Variants in IL16 observed in about 807,000 individuals in gnomAD.
IL16 encodes pro-interleukin-16.
IL16 carries 67 observed loss-of-function variants against 110.1 expected under a neutral mutation model. The observed-to-expected ratio is 0.61, with a 90% CI of 0.50 to 0.75. The LOEUF (loss-of-function observed/expected upper bound fraction) is 0.75, where lower values mean the gene tolerates loss of function less well. Among genes scored for constraint, IL16 ranks in the 30% least tolerant of loss-of-function variants. IL16 has a pLI of 0.00. For synonymous variants in IL16, 689 were observed against 662.9 expected (o/e 1.04, Z -0.61); for missense variants, 1,545 against 1,655.0 (o/e 0.93, Z 1.15).
chr15:81,257,415 G>T (rs1897985750), intron 2 of IL16, among the ~76,000 whole-genome samples: 1 of 152,200 alleles, frequency 6.6e-6, no homozygotes, highest in Non-Finnish European at 1.5e-5. Context: ...CAAATAGGGA[G>T]AAATGCATGT....
chr15:81,211,225 T>A (rs1467911185), intron 1 of IL16, among the ~76,000 whole-genome samples: 1 of 151,678 alleles, frequency 6.6e-6, no homozygotes, highest in East Asian at 1.9e-4. Context: ...CCTGGCTAGT[T>A]TTTGTATTTT....
Position 81,306,004 on chromosome 15 carries a change from A to G in IL16, c.3517A>G (p.Thr1173Ala). Residue 1173 changes from threonine to alanine, a missense_variant, in exon 17 of 19, where the codon ACC (threonine) becomes GCC (alanine). Thr to Ala is a moderately conservative substitution (Grantham distance 58, BLOSUM62 0). This residue lies in a region of IL16 where 356 missense variants were observed against 399.3 expected (regional missense o/e 0.89). Transcript: ENST00000683961. ...LSINGKSLKG[T>A]THHDALAILR... ...CATCAACGGCAAGTCTCTCAAGGGG[A>G]CCACGCACCATGATGCCTTGGCCAT... is the stretch of plus-strand genomic sequence containing the variant. 6.2e-7 allele frequency: 1 copy of G among 1,614,172 alleles called. No homozygotes were observed. The highest frequency in any genetic ancestry group is 2.2e-5 in the East Asian group (1 of 44,878).
intron 2 of IL16, among the ~76,000 whole-genome samples, chr15:81,245,680 C>T (rs1897515028): frequency 1.4e-5 from 2 of 147,738 alleles, no homozygotes; most frequent in Admixed American, 6.7e-5. Flanking sequence ...GCTGAACAGT[C>T]CCTTCATGGT....
chr15:81,304,472 T>C (rs995540538), intron 16 of IL16, among the ~76,000 whole-genome samples: 1 of 152,192 alleles, frequency 6.6e-6, no homozygotes, highest in African/African-American at 2.4e-5. Flanking sequence ...GGCGCACATG[T>C]TGGCTGAGCA....
intron 2 of IL16, among the ~76,000 whole-genome samples, chr15:81,253,181 G>C (rs1288913958): frequency 6.6e-6 from 1 of 152,028 alleles, no homozygotes; most frequent in Non-Finnish European, 1.5e-5. Flanking sequence ...GCATGCGAGT[G>C]GTATCTCATT....
intron 12 of IL16, among the ~76,000 whole-genome samples, chr15:81,293,988 A>G (rs553899323): frequency 2.6e-4 from 40 of 152,330 alleles, no homozygotes; most frequent in African/African-American, 5.8e-4. Context: ...TGAGTTTCCC[A>G]TCCTTACCCA....
At chr15:81,232,395 G>A (rs1020964387) in intron 2 of IL16, among the ~76,000 whole-genome samples, 2 of 152,050 alleles carry the variant, frequency 1.3e-5, no homozygotes, top group African/African-American at 4.8e-5. Context: ...GTGATAACAG[G>A]CATCCTTGTC....
At chr15:81,189,576 C>T (rs899011912) in intron 1 of IL16, among the ~76,000 whole-genome samples, 7 of 152,300 alleles carry the variant, frequency 4.6e-5, no homozygotes, top group South Asian at 2.1e-4. Flanking sequence ...TGATCCACTA[C>T]GACCAGTCAA....
At chr15:81,217,735 G>A (rs1896481701) in intron 1 of IL16, among the ~76,000 whole-genome samples, 1 of 152,130 alleles carries the variant, frequency 6.6e-6, no homozygotes, top group South Asian at 2.1e-4. Context: ...TTGTAAGAAA[G>A]GCATTAGTTT....
At chr15:81,300,973 C>T (rs913608497) in intron 14 of IL16, among the ~76,000 whole-genome samples, 11 of 152,198 alleles carry the variant, frequency 7.2e-5, no homozygotes, top group African/African-American at 2.7e-4. Flanking sequence ...GGCACTGATT[C>T]TGACTATGAG....
rs745484761 is a variant in IL16, at chr15:81,296,915, G to A, written c.1903-13G>A. The A allele has an allele frequency of 1.9e-6, 3 of 1,599,734 alleles. No homozygotes were observed. The South Asian group carries it at 3.3e-5, about 18-fold the overall frequency. ...CCGTTTTGACATGGTCTCGCTTCCTGTTTACACCACAGGAAGCGAGAGAGC... is the reference window on the plus strand; with the variant it reads ...CCGTTTTGACATGGTCTCGCTTCCTATTTACACCACAGGAAGCGAGAGAGC... On this transcript the variant is annotated splice_polypyrimidine_tract_variant and intron_variant, in intron 12 of 18. Transcript: ENST00000683961.
Position 81,276,853 on chromosome 15 carries a change from A to G in IL16, c.791-1964A>G, listed in dbSNP as rs144846790. On this transcript the variant is annotated intron_variant, in intron 6 of 18. Coordinates refer to ENST00000683961, the MANE Select transcript of IL16 (RefSeq NM_172217.5). ...AATGAGTTTATAAAGATTACATACT[A>G]TACTACATCAGGAAATGTCCACTGT... Among the ~76,000 whole-genome samples, 372 of 152,348 alleles carry G rather than the reference A, an allele frequency of 2.4e-3. 2 individuals carry two copies. The highest frequency in any genetic ancestry group is 8.1e-3 in the African/African-American group (335 of 41,570).
Position 81,292,857 on chromosome 15 carries a change from C to G in IL16, c.1722C>G (p.Asp574Glu), listed in dbSNP as rs2141578785. Residue 574 changes from aspartate to glutamate, a missense_variant, in exon 12 of 19, where the codon GAC becomes GAG. Coordinates refer to ENST00000683961, the MANE Select transcript of IL16 (RefSeq NM_172217.5). The part of the protein sequence containing the change: ...QESPPLPESR[D>E]SHPPLRLKKS... ...GCCCACCCCTCCCAGAGAGCCGGGA[C>G]AGCCACCCGCCGCTGAGACTGAAGA... The G allele has an allele frequency of 6.2e-7, 1 of 1,613,876 alleles. No individual in the cohort carries two copies. Among genetic ancestry groups the G allele is most frequent in the Non-Finnish European group, 8.5e-7 (1 of 1,179,882 alleles).
intron 2 of IL16, among the ~76,000 whole-genome samples, chr15:81,234,329 TTC>T (rs1897112770): frequency 6.6e-6 from 1 of 152,150 alleles, no homozygotes; most frequent in Non-Finnish European, 1.5e-5. Flanking sequence ...GTGTTTTATA[TTC>T]TGTTTTCTCT....
chr15:81,239,811 G>A (rs1437067657), intron 2 of IL16, among the ~76,000 whole-genome samples: 2 of 148,988 alleles, frequency 1.3e-5, no homozygotes, highest in Non-Finnish European at 3.0e-5. Flanking sequence ...TTTTGGCTTT[G>A]CCTATTGGCA....
At chr15:81,207,558 C>T (rs1896079096) in intron 1 of IL16, among the ~76,000 whole-genome samples, 1 of 150,484 alleles carries the variant, frequency 6.6e-6, no homozygotes, top group African/African-American at 2.4e-5. Context: ...TCTGTTGTTC[C>T]TCTGTTTATG....
At chr15:81,191,785 G>A (rs1428514143) in intron 1 of IL16, among the ~76,000 whole-genome samples, 1 of 152,186 alleles carries the variant, frequency 6.6e-6, no homozygotes, top group Non-Finnish European at 1.5e-5. Context: ...TAGGGCAGAA[G>A]TCTTAGGGTG....
intron 2 of IL16, among the ~76,000 whole-genome samples, chr15:81,233,679 A>G (rs912458511): frequency 3.3e-5 from 5 of 152,188 alleles, no homozygotes; most frequent in African/African-American, 7.2e-5. Flanking sequence ...CTGTATATAC[A>G]TATATATTTG....
intron 2 of IL16, among the ~76,000 whole-genome samples, chr15:81,234,891 C>T (rs1489099953): frequency 1.3e-5 from 2 of 152,158 alleles, no homozygotes; most frequent in Non-Finnish European, 2.9e-5. Context: ...CTTGGATGGC[C>T]AAGTTCAACT....
Sources: gnomAD v4.1 joint callset for allele counts (sites outside exome capture counted in the v4.1 genomes callset) on GRCh38, gnomAD v4.1.1 for gene constraint, gnomAD v4.1.1 regional missense constraint, MANE v1.5 for transcripts, NCBI Gene and HGNC (gene_info 2026-07-23, HGNC 2026-07-21) for gene names.